KATNBL1: variants seen among roughly 807,000 people sequenced by gnomAD.
KATNBL1 encodes the protein katanin regulatory subunit B1 like 1, also known as KATNB1-like protein 1.
Under a neutral mutation model 44.7 loss-of-function variants are expected in KATNBL1, and 28 were observed. That is an observed-to-expected ratio of 0.63 (90% confidence interval 0.46 to 0.86). The LOEUF (loss-of-function observed/expected upper bound fraction) is 0.86. KATNBL1 is among the 40% of genes least tolerant of loss of function. The pLI is 0.00. For missense variants in KATNBL1, 272 were observed against 350.7 expected (o/e 0.78, Z 1.79); for synonymous variants, 78 against 114.9 (o/e 0.68, Z 2.06).
intron 1 of KATNBL1, among the ~76,000 whole-genome samples, chr15:34,172,389 T>C (rs529139363): frequency 1.3e-5 from 2 of 151,490 alleles, no homozygotes; most frequent in South Asian, 4.2e-4. Context: ...CCTGAGTACC[T>C]GGGATTACGG....
intron 1 of KATNBL1, among the ~76,000 whole-genome samples, chr15:34,205,513 T>G (rs1031570135): frequency 2.0e-5 from 3 of 152,206 alleles, no homozygotes; most frequent in Non-Finnish European, 4.4e-5. Flanking sequence ...GGTCAAAATC[T>G]TACTCTGTGA....
chr15:34,171,389 C>T (rs894105495), intron 1 of KATNBL1, among the ~76,000 whole-genome samples: 6 of 152,158 alleles, frequency 3.9e-5, no homozygotes, highest in African/African-American at 1.4e-4. Context: ...CAATGAGATA[C>T]CGTCTCATGC....
At chr15:34,173,888 A>T (rs1889247108) in intron 1 of KATNBL1, among the ~76,000 whole-genome samples, 2 of 152,242 alleles carry the variant, frequency 1.3e-5, no homozygotes, top group African/African-American at 4.8e-5. Flanking sequence ...ACAATCTCAG[A>T]TGAAAGAAAA....
chr15:34,171,588 A>G (rs919074715), intron 1 of KATNBL1, among the ~76,000 whole-genome samples: 1 of 152,244 alleles, frequency 6.6e-6, no homozygotes, highest in African/African-American at 2.4e-5. Flanking sequence ...ATTACTGGGT[A>G]TATACCCAAA....
intron 2 of KATNBL1, 144 bp downstream of exon 2, chr15:34,163,416 T>A (rs1888868676): frequency 1.1e-6 from 1 of 912,624 alleles, no homozygotes; most frequent in Non-Finnish European, 1.6e-6. Context: ...AGAAATACAT[T>A]GGTTATATTT....
At chr15:34,206,986 T>C (rs1890310554) in intron 1 of KATNBL1, among the ~76,000 whole-genome samples, 2 of 151,748 alleles carry the variant, frequency 1.3e-5, no homozygotes. Context: ...AACATCAACA[T>C]AATACTGACT....
intron 1 of KATNBL1, among the ~76,000 whole-genome samples, chr15:34,191,154 CATATATAT>C (rs57428240): frequency 0.035 from 4,711 of 135,974 alleles, 210 homozygotes; most frequent in African/African-American, 0.1. Context: ...AATCATAGAC[CATATATAT>C]ATATATATAT....
chr15:34,176,257 A>C (rs912317030), intron 1 of KATNBL1, among the ~76,000 whole-genome samples: 1 of 151,842 alleles, frequency 6.6e-6, no homozygotes, highest in Admixed American at 6.6e-5. Context: ...AGGCGCCTGT[A>C]ATCCTAGCTA....
chr15:34,151,435 A>ATTTTTTTTTTTTTTTT (rs1491367010), intron 4 of KATNBL1, among the ~76,000 whole-genome samples: 1 of 63,826 alleles, frequency 1.6e-5, no homozygotes, highest in Non-Finnish European at 3.2e-5. Context: ...TCCTTTGCCT[A>ATTTTTTTTTTTTTTTT]CTTTTTTTTT....
At chr15:34,189,349 T>A (rs1468943979) in intron 1 of KATNBL1, among the ~76,000 whole-genome samples, 2 of 152,180 alleles carry the variant, frequency 1.3e-5, no homozygotes, top group African/African-American at 2.4e-5. Context: ...ATACCACATC[T>A]ATGTAAGTAT....
chr15:34,194,310 T>C (rs947946373), intron 1 of KATNBL1, among the ~76,000 whole-genome samples: 3 of 152,100 alleles, frequency 2.0e-5, no homozygotes, highest in Non-Finnish European at 4.4e-5. Context: ...AGATTTTTTT[T>C]TGAAAATATG....
At chr15:34,165,934 G>C (rs1428308740) in intron 1 of KATNBL1, 2 of 152,196 alleles carry the variant, frequency 1.3e-5, no homozygotes. Flanking sequence ...CAATACCAAG[G>C]ACATCAAGAA....
At chr15:34,192,201 G>A (rs868369390) in intron 1 of KATNBL1, among the ~76,000 whole-genome samples, 5 of 151,494 alleles carry the variant, frequency 3.3e-5, no homozygotes, top group African/African-American at 7.3e-5. Context: ...TCAGGAGATC[G>A]AGACCATCCC....
At chr15:34,196,620 C>T (rs1256583736) in intron 1 of KATNBL1, among the ~76,000 whole-genome samples, 1 of 151,290 alleles carries the variant, frequency 6.6e-6, no homozygotes, top group Non-Finnish European at 1.5e-5. Flanking sequence ...CCCAGCTACT[C>T]GGGAGGCTGA....
intron 1 of KATNBL1, among the ~76,000 whole-genome samples, chr15:34,188,423 G>A (rs1237937407): frequency 6.6e-6 from 1 of 151,998 alleles, no homozygotes; most frequent in Non-Finnish European, 1.5e-5. Context: ...AGGCATAATG[G>A]CACATGCCTG....
At position 34,147,369 on chromosome 15, in the gene KATNBL1, ATTG is replaced by A; in HGVS notation, c.608+8_608+10del. 1 of 1,611,168 alleles carries A rather than the reference ATTG, an allele frequency of 6.2e-7. No individual in the cohort carries two copies. The highest frequency in any genetic ancestry group is 8.5e-7 in the Non-Finnish European group (1 of 1,177,540). Reference sequence around the variant, plus strand: ...TAATCTTATTTTTTTTCTGAAAAATATTGTTTTTACCAATTGGTGAGCACAGGA... The same window carrying A: ...TAATCTTATTTTTTTTCTGAAAAATATTTTTACCAATTGGTGAGCACAGGA... On this transcript the variant is annotated splice_region_variant and intron_variant, in intron 6 of 9. Transcript: ENST00000256544.
At chr15:34,177,027 T>G (rs965927194) in intron 1 of KATNBL1, among the ~76,000 whole-genome samples, 1 of 94,652 alleles carries the variant, frequency 1.1e-5, no homozygotes, top group African/African-American at 3.8e-5. Flanking sequence ...AGACAGTGAT[T>G]ATAGAAACTG....
At chr15:34,191,252 T>C (rs988795805) in intron 1 of KATNBL1, among the ~76,000 whole-genome samples, 2 of 150,430 alleles carry the variant, frequency 1.3e-5, no homozygotes, top group Non-Finnish European at 3.0e-5. Context: ...TGCATGCATG[T>C]ATCAATGGTC....
In KATNBL1 at chr15:34,182,211, G is replaced by A. The variant is rs186930620; in HGVS notation, c.-14-18521C>T. ...TTAAGGGCTGAATGTATAAACAGAT[G>A]ATACAGTTTTCATCACTTTCTAGCT... On this transcript the variant is annotated intron_variant, in intron 1 of 9. Coordinates refer to ENST00000256544, the MANE Select transcript of KATNBL1 (RefSeq NM_024713.3). Among the ~76,000 whole-genome samples the A allele has an allele frequency of 4.0e-3, 604 of 152,112 alleles. 6 individuals carry two copies. The highest frequency in any genetic ancestry group is 0.014 in the African/African-American group (585 of 41,494).
Sources: allele counts gnomAD v4.1 joint callset (sites outside exome capture counted in the v4.1 genomes callset), GRCh38; gene constraint gnomAD v4.1.1; transcripts MANE v1.5; gene names NCBI Gene and HGNC (gene_info 2026-07-23, HGNC 2026-07-21).